The following SLC24A2 variants were observed in gnomAD, a reference collection of about 807,000 sequenced individuals.
The protein encoded by SLC24A2 is solute carrier family 24 member 2.
SLC24A2 carries 36 observed loss-of-function variants against 62.0 expected under a neutral mutation model. The ratio of observed to expected loss-of-function variants is 0.58; its 90% CI spans 0.44 to 0.77. The LOEUF is 0.77. Ranked by LOEUF, SLC24A2 falls within the 30% of genes least tolerant of loss-of-function variation. The pLI, the probability that SLC24A2 is intolerant of heterozygous loss-of-function variation, is 0.00. For synonymous variants in SLC24A2, 358 were observed against 294.0 expected (o/e 1.22, Z -2.23); for missense variants, 846 against 817.9 (o/e 1.03, Z -0.42).
the SLC24A2 span, among the ~76,000 whole-genome samples, chr9:20,005,502 A>G: frequency 1.3e-5 from 2 of 151,942 alleles, no homozygotes; most frequent in East Asian, 3.8e-4. Flanking sequence ...AAGATTAAGT[A>G]TCTTGCTTAA....
At position 19,720,648 on chromosome 9, in the gene SLC24A2, C is replaced by A. The variant is rs987109054; in HGVS notation, c.930+65289G>T. 6.6e-5 allele frequency among the ~76,000 whole-genome samples: 10 copies of A among 150,668 alleles called. No individual in the cohort carries two copies. The Admixed American group carries it at 6.6e-4, about 10-fold the overall frequency. On this transcript the variant is annotated intron_variant, in intron 2 of 10. Coordinates refer to ENST00000341998, the MANE Select transcript of SLC24A2 (RefSeq NM_020344.4). ...TCTTGGAGTCTGTGGTATGGAAATA[C>A]TTTACACTGAACATATTGTATATTA...
At chr9:20,067,529 A>G in the SLC24A2 span, among the ~76,000 whole-genome samples, 1 of 147,128 alleles carries the variant, frequency 6.8e-6, no homozygotes, top group Non-Finnish European at 1.5e-5. Flanking sequence ...TTCTACTCAC[A>G]CTCTCTCTCC....
At chr9:19,961,771 T>C in the SLC24A2 span, among the ~76,000 whole-genome samples, 15 of 152,192 alleles carry the variant, frequency 9.9e-5, no homozygotes, top group Admixed American at 9.8e-4. Flanking sequence ...TGGAGCTTAC[T>C]CTGAGGGAAG....
chr9:19,844,723 T>C, the SLC24A2 span, among the ~76,000 whole-genome samples: 2 of 152,094 alleles, frequency 1.3e-5, no homozygotes, highest in East Asian at 3.9e-4. Context: ...TCAAGTTTCA[T>C]TCTTCTGCGT....
intron 2 of SLC24A2, among the ~76,000 whole-genome samples, chr9:19,677,263 G>T (rs574767148): frequency 6.6e-6 from 1 of 152,328 alleles, no homozygotes; most frequent in African/African-American, 2.4e-5. Flanking sequence ...AAAAGAATGA[G>T]ATCTTGTCCT....
At chr9:19,908,974 A>T in the SLC24A2 span, among the ~76,000 whole-genome samples, 6 of 152,176 alleles carry the variant, frequency 3.9e-5, no homozygotes, top group Non-Finnish European at 7.3e-5. Flanking sequence ...CAGCCATCCC[A>T]TTACTAGGTA....
At chr9:20,025,608 T>C in the SLC24A2 span, among the ~76,000 whole-genome samples, 1 of 152,158 alleles carries the variant, frequency 6.6e-6, no homozygotes, top group Non-Finnish European at 1.5e-5. Context: ...ATCTCTGTGC[T>C]AGGAGAGGAG....
At chr9:20,279,810 C>G in the SLC24A2 span, among the ~76,000 whole-genome samples, 1 of 152,168 alleles carries the variant, frequency 6.6e-6, no homozygotes, top group South Asian at 2.1e-4. Flanking sequence ...AACAAGTGTT[C>G]CTTCCGGTGG....
chr9:20,268,686 T>C, the SLC24A2 span, among the ~76,000 whole-genome samples: 1 of 152,220 alleles, frequency 6.6e-6, no homozygotes, highest in Admixed American at 6.5e-5. Flanking sequence ...TTAGGTATTC[T>C]GTTATAAGCA....
At chr9:20,023,812 C>T in the SLC24A2 span, among the ~76,000 whole-genome samples, 2 of 152,166 alleles carry the variant, frequency 1.3e-5, no homozygotes, top group African/African-American at 4.8e-5. Context: ...TCCTGCCCCC[C>T]ACTAGAAGAA....
chr9:19,664,841 G>A (rs1381488843), intron 2 of SLC24A2, among the ~76,000 whole-genome samples: 2 of 152,172 alleles, frequency 1.3e-5, no homozygotes, highest in Admixed American at 6.5e-5. Context: ...GCTAGGAAGA[G>A]GCAAGGAAGG....
chr9:19,519,802 T>G (rs1833103105), intron 10 of SLC24A2, among the ~76,000 whole-genome samples: 1 of 152,180 alleles, frequency 6.6e-6, no homozygotes, highest in African/African-American at 2.4e-5. Flanking sequence ...AGTTTTCCAG[T>G]CAGACAAGCA....
intron 2 of SLC24A2, among the ~76,000 whole-genome samples, chr9:19,721,962 C>T (rs1469298821): frequency 1.3e-5 from 2 of 152,070 alleles, no homozygotes; most frequent in African/African-American, 4.8e-5. Flanking sequence ...CTGTCTTTTA[C>T]TCTCCATCTT....
chr9:19,952,774 G>A, the SLC24A2 span, among the ~76,000 whole-genome samples: 61 of 151,104 alleles, frequency 4.0e-4, 1 homozygote, highest in East Asian at 0.012. Context: ...TAGTTGGGAA[G>A]TATTTTCTAC....
At chr9:20,288,002 T>G in the SLC24A2 span, among the ~76,000 whole-genome samples, 2 of 140,298 alleles carry the variant, frequency 1.4e-5, no homozygotes, top group Non-Finnish European at 3.0e-5. Flanking sequence ...ACTTTCTCTT[T>G]TTTTTGGTTG....
the SLC24A2 span, among the ~76,000 whole-genome samples, chr9:20,088,182 G>A: frequency 6.6e-6 from 1 of 152,232 alleles, no homozygotes; most frequent in African/African-American, 2.4e-5. Flanking sequence ...TGAATCCAGG[G>A]GCTGAGCAGC....
At chr9:19,741,804 T>C (rs1587252870) in intron 2 of SLC24A2, among the ~76,000 whole-genome samples, 1 of 152,218 alleles carries the variant, frequency 6.6e-6, no homozygotes, top group Non-Finnish European at 1.5e-5. Flanking sequence ...TTATTGAGCA[T>C]ACATTTGTGT....
At position 19,515,439 on chromosome 9, in the gene SLC24A2, C is replaced by G. The variant is rs552300276; in HGVS notation, c.*714G>C. 1 of 152,182 alleles carries G rather than the reference C, an allele frequency of 6.6e-6. No homozygotes were observed. The highest frequency in any genetic ancestry group is 1.5e-5 in the Non-Finnish European group (1 of 68,128). 9.4% of individuals were successfully genotyped at this position (152,182 alleles called of 1,614,324 possible). ...GGCTCAACTCAGGGCCCCTACAGAC[C>G]TTCTCCACTAAGCCCTCCTCCCTGC... On this transcript the variant is annotated 3_prime_UTR_variant, in exon 11 of 11. Transcript: ENST00000341998.
chr9:19,536,346 C>G (rs924238202), intron 8 of SLC24A2, among the ~76,000 whole-genome samples: 1 of 104,144 alleles, frequency 9.6e-6, no homozygotes, highest in Non-Finnish European at 1.8e-5. Flanking sequence ...TGCTATCCCT[C>G]CCCCCTCCCC....
Sources: gnomAD v4.1 joint callset for allele counts (sites outside exome capture counted in the v4.1 genomes callset) on GRCh38, gnomAD v4.1.1 for gene constraint, MANE v1.5 for transcripts, NCBI Gene and HGNC (gene_info 2026-07-23, HGNC 2026-07-21) for gene names.